The following NCKAP5 variants were observed in gnomAD, a reference collection of about 807,000 sequenced individuals.
NCKAP5 encodes nck-associated protein 5.
In NCKAP5, 92 loss-of-function variants were observed where a neutral mutation model predicts 167.0. That is an observed-to-expected ratio of 0.55 (90% confidence interval 0.47 to 0.66). NCKAP5 has a LOEUF of 0.66. Ranked by LOEUF, NCKAP5 falls within the 30% of genes least tolerant of loss-of-function variation. NCKAP5 has a pLI of 0.00. For missense variants in NCKAP5, 2,378 were observed against 2,315.0 expected, an observed-to-expected ratio of 1.03 and a Z score of -0.56; for synonymous variants, 891 against 877.4, an observed-to-expected ratio of 1.02 and a Z score of -0.27.
chr2:133,425,491 T>C (rs889809416), intron 3 of NCKAP5, among the ~76,000 whole-genome samples: 4 of 152,092 alleles, frequency 2.6e-5, no homozygotes, highest in Admixed American at 6.5e-5. Context: ...ATTTCAGGCC[T>C]AGATAACACT....
intron 3 of NCKAP5, among the ~76,000 whole-genome samples, chr2:133,445,751 G>A (rs1691152330): frequency 6.6e-6 from 1 of 152,116 alleles, no homozygotes; most frequent in African/African-American, 2.4e-5. Flanking sequence ...GTTGAGGGAG[G>A]GGATAGGTGA....
chr2:133,148,004 A>C (rs1362572046), intron 5 of NCKAP5, among the ~76,000 whole-genome samples: 2 of 152,234 alleles, frequency 1.3e-5, no homozygotes, highest in South Asian at 2.1e-4. Context: ...TTTAAAAATA[A>C]ATTTGCAAAT....
At chr2:132,857,968 A>C (rs1046693903) in intron 11 of NCKAP5, among the ~76,000 whole-genome samples, 1 of 152,208 alleles carries the variant, frequency 6.6e-6, no homozygotes, top group African/African-American at 2.4e-5. Context: ...GCTGTTTCTT[A>C]TAAGTTATTT....
At chr2:133,068,231 G>A (rs1159947340) in intron 6 of NCKAP5, among the ~76,000 whole-genome samples, 2 of 152,136 alleles carry the variant, frequency 1.3e-5, no homozygotes, top group Non-Finnish European at 2.9e-5. Flanking sequence ...GGGCACACAA[G>A]TGTCCAGGGC....
chr2:132,866,087 G>T (rs1419497464), intron 10 of NCKAP5, among the ~76,000 whole-genome samples: 1 of 152,186 alleles, frequency 6.6e-6, no homozygotes, highest in East Asian at 1.9e-4. Flanking sequence ...ACCATACCCA[G>T]CTTTATTCCA....
chr2:132,706,580 C>A (rs1276335444), intron 19 of NCKAP5, among the ~76,000 whole-genome samples: 1 of 152,092 alleles, frequency 6.6e-6, no homozygotes, highest in Non-Finnish European at 1.5e-5. Flanking sequence ...ACCATCCAGT[C>A]ACTGAACTTC....
intron 3 of NCKAP5, among the ~76,000 whole-genome samples, chr2:133,368,214 A>C (rs1333597970): frequency 2.6e-5 from 4 of 152,226 alleles, no homozygotes; most frequent in East Asian, 3.8e-4. Context: ...TAATCTGGTA[A>C]AGTGAAAATA....
In NCKAP5 at chr2:133,326,458, C is replaced by CAAAAAAAAAA. The variant is rs34750625; in HGVS notation, c.70-23358_70-23349dup. Among the ~76,000 whole-genome samples, 298 of 48,968 alleles carry CAAAAAAAAAA rather than the reference C, an allele frequency of 6.1e-3. 4 individuals carry two copies. Among genetic ancestry groups the CAAAAAAAAAA allele is most frequent in the African/African-American group, 0.019 (284 of 15,038 alleles). The allele number at this position is 48,968 out of a possible 152,430, so 32.1% of individuals were successfully genotyped here. ...GTGACAGAGCAAGACTCAGTCTCAA[C>CAAAAAAAAAA]AAAAAAAAAAAAAAAAAAAAAAGAG... On this transcript the variant is annotated intron_variant, in intron 3 of 19. Coordinates refer to ENST00000409261, the MANE Select transcript of NCKAP5 (RefSeq NM_207363.3).
At chr2:133,226,682 A>G (rs1043800880) in intron 4 of NCKAP5, among the ~76,000 whole-genome samples, 3 of 151,200 alleles carry the variant, frequency 2.0e-5, no homozygotes, top group African/African-American at 7.3e-5. Flanking sequence ...CATTGAGGTG[A>G]CACTTCTACA....
At chr2:133,252,840 C>A (rs1029694703) in intron 4 of NCKAP5, among the ~76,000 whole-genome samples, 15 of 152,154 alleles carry the variant, frequency 9.9e-5, no homozygotes, top group African/African-American at 3.4e-4. Context: ...TTGCAACTGG[C>A]AGAATTCGTT....
intron 3 of NCKAP5, among the ~76,000 whole-genome samples, chr2:133,361,551 T>G (rs1685104982): frequency 6.6e-6 from 1 of 152,344 alleles, no homozygotes; most frequent in Admixed American, 6.5e-5. Flanking sequence ...TCCAGTGTTC[T>G]TTGCACTTTT....
In NCKAP5 at chr2:132,783,273, T is replaced by C. The variant is rs758931238; in HGVS notation, c.3538A>G (p.Lys1180Glu). ...HEKDSLNEAS[K>E]SSVAVNKSKP... ...GACTTGTTCACAGCCACGGAACTTT[T>C]GGAGGCTTCATTTAAACTGTCTTTT... The change falls in exon 14 of 20, where the codon AAA becomes GAA. Residue 1180 changes from lysine to glutamate, a missense_variant. Physicochemically the swap from Lys to Glu is moderately conservative, Grantham distance 56. Transcript: ENST00000409261. 6.2e-7 allele frequency: 1 copy of C among 1,613,946 alleles called. No homozygotes were observed. The highest frequency in any genetic ancestry group is 1.1e-5 in the South Asian group (1 of 91,082).
At chr2:133,462,231 T>C (rs1275067655) in intron 3 of NCKAP5, among the ~76,000 whole-genome samples, 1 of 152,190 alleles carries the variant, frequency 6.6e-6, no homozygotes, top group Non-Finnish European at 1.5e-5. Context: ...ATTGCATCCC[T>C]TTTGGGTCTC....
chr2:133,041,259 G>C (rs7608610), intron 6 of NCKAP5, among the ~76,000 whole-genome samples: 5,101 of 152,178 alleles, frequency 0.034, 265 homozygotes, highest in African/African-American at 0.12. Flanking sequence ...TGAGGACTCA[G>C]TATAGCATCT....
intron 7 of NCKAP5, among the ~76,000 whole-genome samples, chr2:132,966,538 T>C (rs2076674070): frequency 6.6e-6 from 1 of 152,192 alleles, no homozygotes; most frequent in South Asian, 2.1e-4. Flanking sequence ...TCTCTAAAAT[T>C]TTCATGAACA....
chr2:133,310,253 T>A (rs1282668008), intron 3 of NCKAP5, among the ~76,000 whole-genome samples: 1 of 152,198 alleles, frequency 6.6e-6, no homozygotes, highest in Non-Finnish European at 1.5e-5. Flanking sequence ...CCGAGGAGAC[T>A]TTTTTAAATG....
chr2:133,189,982 T>C (rs564472700), intron 5 of NCKAP5, among the ~76,000 whole-genome samples: 2 of 152,262 alleles, frequency 1.3e-5, no homozygotes, highest in African/African-American at 4.8e-5. Flanking sequence ...GGAAGTCAAA[T>C]TGTCCCTGTT....
intron 6 of NCKAP5, among the ~76,000 whole-genome samples, chr2:133,087,574 G>A (rs1274216037): frequency 6.6e-6 from 1 of 152,066 alleles, no homozygotes; most frequent in Non-Finnish European, 1.5e-5. Flanking sequence ...CAAACATTTC[G>A]CTTGGCTATT....
chr2:132,837,977 A>T (rs1688020185), intron 11 of NCKAP5, among the ~76,000 whole-genome samples: 1 of 152,186 alleles, frequency 6.6e-6, no homozygotes, highest in Non-Finnish European at 1.5e-5. Context: ...GGGGCCCCCT[A>T]CAGGGCAGCA....
Sources: allele counts gnomAD v4.1 joint callset (sites outside exome capture counted in the v4.1 genomes callset), GRCh38; gene constraint gnomAD v4.1.1; transcripts MANE v1.5; gene names NCBI Gene and HGNC (gene_info 2026-07-23, HGNC 2026-07-21).